The following PKD2L1 variants were observed in gnomAD, a reference collection of about 807,000 sequenced individuals.
PKD2L1 encodes the protein polycystin 2 like 1, transient receptor potential cation channel, also known as polycystin-2-like protein 1.
In PKD2L1, 77 loss-of-function variants were observed where a neutral mutation model predicts 93.0. The ratio of observed to expected loss-of-function variants is 0.83; its 90% CI spans 0.69 to 1.00. The LOEUF (loss-of-function observed/expected upper bound fraction) is 1.00. Among genes scored for constraint, PKD2L1 ranks in the 50% least tolerant of loss-of-function variants. PKD2L1 has a pLI of 0.00. For missense variants in PKD2L1, 977 were observed against 990.9 expected (o/e 0.99, Z 0.19); for synonymous variants, 390 against 388.0 (o/e 1.01, Z -0.06).
Position 100,305,840 on chromosome 10 carries a change from T to A in PKD2L1, c.350-6122A>T, listed in dbSNP as rs564851203. Among the ~76,000 whole-genome samples the A allele has an allele frequency of 7.2e-5, 11 of 152,262 alleles. No homozygotes were observed. In the South Asian group the frequency reaches 2.1e-3, roughly 29 times the overall value. On this transcript the variant is annotated intron_variant, in intron 2 of 15. Transcript: ENST00000318222. Reference sequence around the variant, plus strand: ...TTCTCCCCTTTTCTTAACCCACCGATGATAAGCAAACTTTAGCATGCATCA... The same window carrying A: ...TTCTCCCCTTTTCTTAACCCACCGAAGATAAGCAAACTTTAGCATGCATCA...
chr10:100,289,102 G>A (rs896414), intron 14 of PKD2L1, 46 bp from the exon 15 acceptor site: 42,920 of 1,384,148 alleles, frequency 0.031, 1,236 homozygotes, highest in East Asian at 0.097. Flanking sequence ...AATAGTTTGT[G>A]TACCACTTTT....
At chr10:100,314,747 G>A (rs1444406729) in intron 2 of PKD2L1, among the ~76,000 whole-genome samples, 1 of 151,664 alleles carries the variant, frequency 6.6e-6, no homozygotes, top group Non-Finnish European at 1.5e-5. Context: ...GAAAACAATT[G>A]AAATGGGCCG....
At position 100,330,114 on chromosome 10, in the gene PKD2L1, G is replaced by T. The variant is rs1236850053; in HGVS notation, c.-11C>A. 7 of 1,529,130 alleles carry T rather than the reference G, an allele frequency of 4.6e-6. No individual in the cohort carries two copies. Among genetic ancestry groups the T allele is most frequent in the Non-Finnish European group, 5.3e-6 (6 of 1,125,868 alleles). 94.7% of individuals were successfully genotyped at this position (1,529,130 alleles called of 1,614,324 possible). The stretch of plus-strand genomic sequence containing the variant: ...TCCCACAGCATTCATGGGGAATGAG[G>T]TGGGGGGGCCCGGTACCCCAGGTGC... On this transcript the variant is annotated 5_prime_UTR_variant, in exon 1 of 16. Coordinates refer to ENST00000318222, the MANE Select transcript of PKD2L1 (RefSeq NM_016112.3).
chr10:100,297,730 G>A (rs768154747), intron 4 of PKD2L1, 124 bp from the exon 5 acceptor site: 10 of 597,164 alleles, frequency 1.7e-5, no homozygotes, highest in Admixed American at 5.8e-5. Flanking sequence ...GTGTGTGTGT[G>A]TGTGTGTGTG....
rs183985211 is a variant in PKD2L1, at chr10:100,305,271, C to G, written c.350-5553G>C. Among the ~76,000 whole-genome samples, 20 of 152,138 alleles carry G rather than the reference C, an allele frequency of 1.3e-4. No individual in the cohort carries two copies. In the East Asian group the frequency reaches 2.1e-3, roughly 16 times the overall value. On this transcript the variant is annotated intron_variant, in intron 2 of 15. Coordinates refer to ENST00000318222, the MANE Select transcript of PKD2L1 (RefSeq NM_016112.3). ...GGATTACGGGCGCCCGGCACCATAC[C>G]TGGCTAATTTTTTGTATTTTCAGTA...
chr10:100,295,188 C>T (rs1848500535), intron 7 of PKD2L1, 65 bp from the exon 8 acceptor site: 2 of 1,407,430 alleles, frequency 1.4e-6, no homozygotes. Flanking sequence ...AAAGTCCATG[C>T]CAAGGGCCTA....
intron 2 of PKD2L1, among the ~76,000 whole-genome samples, chr10:100,311,008 G>A (rs952150089): frequency 1.2e-4 from 19 of 152,326 alleles, no homozygotes; most frequent in Non-Finnish European, 2.6e-4. Flanking sequence ...TAGGATTACA[G>A]GCATGAGCCA....
At chr10:100,303,191 G>GTTTT (rs146131470) in intron 2 of PKD2L1, among the ~76,000 whole-genome samples, 10,110 of 127,608 alleles carry the variant, frequency 0.079, 942 homozygotes, top group Admixed American at 0.12. Flanking sequence ...ACATCAAACT[G>GTTTT]TTTTTTTGTT....
Position 100,322,211 on chromosome 10 carries a change from C to T in PKD2L1, c.349+7000G>A, listed in dbSNP as rs180838879. 3.4e-4 allele frequency among the ~76,000 whole-genome samples: 51 copies of T among 152,112 alleles called. No homozygotes were observed. In the East Asian group the frequency reaches 9.7e-3, roughly 29 times the overall value. ...TAACAGCCTGAGCAACAGAGCAAGG[C>T]CCGGTCTCAAAACAACAACAACAAC... is the stretch of plus-strand genomic sequence containing the variant. On this transcript the variant is annotated intron_variant, in intron 2 of 15. Coordinates refer to ENST00000318222, the MANE Select transcript of PKD2L1 (RefSeq NM_016112.3).
At chr10:100,293,466 G>A (rs984161713) in intron 9 of PKD2L1, 87 bp from the exon 10 acceptor site, 17 of 854,352 alleles carry the variant, frequency 2.0e-5, no homozygotes, top group African/African-American at 3.3e-5. Flanking sequence ...TCCAAGACAC[G>A]TGTTCCAAAG....
At chr10:100,291,739 A>G (rs1269287088) in intron 11 of PKD2L1, among the ~76,000 whole-genome samples, 2 of 152,086 alleles carry the variant, frequency 1.3e-5, no homozygotes, top group Non-Finnish European at 2.9e-5. Flanking sequence ...TCCATCCTCC[A>G]TAATACAACT....
chr10:100,299,532 C>G, intron 3 of PKD2L1, 59 bp downstream of exon 3: 1 of 1,513,738 alleles, frequency 6.6e-7, no homozygotes, highest in Non-Finnish European at 9.2e-7. Context: ...CGTTGTCTGA[C>G]CTGTGGCCTC....
chr10:100,321,256 G>A (rs1342480343), intron 2 of PKD2L1, among the ~76,000 whole-genome samples: 2 of 152,006 alleles, frequency 1.3e-5, no homozygotes, highest in Non-Finnish European at 2.9e-5. Flanking sequence ...TCAGGAGTTT[G>A]AGACCAGCCT....
intron 2 of PKD2L1, among the ~76,000 whole-genome samples, chr10:100,321,684 A>C (rs1349025965): frequency 4.2e-3 from 4 of 942 alleles, no homozygotes; most frequent in Non-Finnish European, 0.011. Context: ...AGAAAGAAAG[A>C]AAGAAAGAAA....
chr10:100,305,270 C>A (rs928304356), intron 2 of PKD2L1, among the ~76,000 whole-genome samples: 3 of 152,006 alleles, frequency 2.0e-5, no homozygotes, highest in African/African-American at 4.8e-5. Context: ...CGGCACCATA[C>A]CTGGCTAATT....
chr10:100,326,255 C>T (rs1037045060), intron 2 of PKD2L1, among the ~76,000 whole-genome samples: 1 of 152,172 alleles, frequency 6.6e-6, no homozygotes, highest in Non-Finnish European at 1.5e-5. Flanking sequence ...TTTCTCATGC[C>T]TTATAAGGCC....
At chr10:100,300,680 G>A (rs1848655060) in intron 2 of PKD2L1, among the ~76,000 whole-genome samples, 1 of 152,194 alleles carries the variant, frequency 6.6e-6, no homozygotes, top group Non-Finnish European at 1.5e-5. Flanking sequence ...CACATTGCCT[G>A]TTCATCTCAT....
At chr10:100,293,486 C>T (rs1418264304) in intron 9 of PKD2L1, 107 bp from the exon 10 acceptor site, 1 of 731,132 alleles carries the variant, frequency 1.4e-6, no homozygotes, top group African/African-American at 1.7e-5. Flanking sequence ...GGGGTCAGTG[C>T]TCTCAACCCC....
chr10:100,318,741 G>A lies in PKD2L1; in HGVS notation c.349+10470C>T, dbSNP rs533563154. ...TCACCGTGTTAGCCAGGATGGTCTC[G>A]ATCTACTAACCTCGTGATCCACCCA... On this transcript the variant is annotated intron_variant, in intron 2 of 15. Coordinates refer to ENST00000318222, the MANE Select transcript of PKD2L1 (RefSeq NM_016112.3). 4.6e-5 allele frequency among the ~76,000 whole-genome samples: 7 copies of A among 151,666 alleles called. No individual in the cohort carries two copies. The South Asian group carries it at 6.3e-4, about 14-fold the overall frequency.
Sources: gnomAD v4.1 joint callset for allele counts (sites outside exome capture counted in the v4.1 genomes callset) on GRCh38, gnomAD v4.1.1 for gene constraint, MANE v1.5 for transcripts, NCBI Gene and HGNC (gene_info 2026-07-23, HGNC 2026-07-21) for gene names.